AGK: variants seen among roughly 807,000 people sequenced by gnomAD.
AGK encodes the protein acylglycerol kinase.
A neutral mutation model predicts 66.4 loss-of-function variants in AGK; 52 were observed. That is an observed-to-expected ratio of 0.78 (90% CI 0.63 to 0.99). AGK has a LOEUF of 0.99. Ranked by LOEUF, AGK falls within the 50% of genes least tolerant of loss-of-function variation. The pLI, the probability that AGK is intolerant of heterozygous loss-of-function variation, is 0.00. For missense variants in AGK, 451 were observed against 506.6 expected (o/e 0.89, Z 1.05); for synonymous variants, 182 against 181.1 (o/e 1.00, Z -0.04).
intron 8 of AGK, among the ~76,000 whole-genome samples, chr7:141,620,822 T>C (rs1284314400): frequency 2.6e-5 from 4 of 152,228 alleles, no homozygotes; most frequent in Admixed American, 2.0e-4. Flanking sequence ...TTTTGAAATA[T>C]GCCACAGTAT....
intron 8 of AGK, 109 bp from the exon 9 acceptor site, chr7:141,621,613 AGAGAGAGAAT>A (rs1014813140): frequency 1.3e-5 from 9 of 706,674 alleles, no homozygotes; most frequent in African/African-American, 1.1e-4. Context: ...AGAGAGGGAG[AGAGAGAGAAT>A]GAGAGAGAAT....
intron 13 of AGK, among the ~76,000 whole-genome samples, chr7:141,644,177 G>A (rs889209952): frequency 1.1e-4 from 17 of 151,814 alleles, no homozygotes; most frequent in Admixed American, 3.3e-4. Context: ...TTTATACCAA[G>A]TCTTTAATAA....
chr7:141,642,299 A>G (rs1471336012), intron 13 of AGK, among the ~76,000 whole-genome samples: 1 of 152,214 alleles, frequency 6.6e-6, no homozygotes. Flanking sequence ...GATCCTCAGG[A>G]GAAAAATACC....
At chr7:141,556,194 C>T (rs148604993) in intron 2 of AGK, among the ~76,000 whole-genome samples, 1 of 152,116 alleles carries the variant, frequency 6.6e-6, no homozygotes, top group Non-Finnish European at 1.5e-5. Flanking sequence ...TGATTGGCCT[C>T]TCTAAAGTAG....
At chr7:141,603,188 A>G (rs1464948891) in intron 5 of AGK, among the ~76,000 whole-genome samples, 2 of 151,906 alleles carry the variant, frequency 1.3e-5, no homozygotes, top group East Asian at 3.9e-4. Flanking sequence ...GTCCTTACTG[A>G]TTTTTTCTTC....
At chr7:141,560,839 C>T (rs931799371) in intron 2 of AGK, among the ~76,000 whole-genome samples, 4 of 150,588 alleles carry the variant, frequency 2.7e-5, no homozygotes, top group African/African-American at 9.8e-5. Context: ...CTCTGTCGCC[C>T]AGGCTGGAGT....
chr7:141,637,041 A>G, intron 11 of AGK, 24 bp downstream of exon 11: 1 of 1,600,538 alleles, frequency 6.2e-7, no homozygotes, highest in Non-Finnish European at 8.5e-7. Context: ...ACAGTGTAGA[A>G]ATTTGCTGTG....
chr7:141,623,905 A>G (rs1365392973), intron 9 of AGK, among the ~76,000 whole-genome samples: 2 of 152,110 alleles, frequency 1.3e-5, no homozygotes, highest in African/African-American at 2.4e-5. Context: ...GTTCAAGCCA[A>G]TGCTCATCTA....
intron 3 of AGK, 84 bp from the exon 4 acceptor site, chr7:141,596,478 C>T: frequency 7.9e-7 from 1 of 1,267,050 alleles, no homozygotes; most frequent in South Asian, 1.2e-5. Context: ...GCTGCAAGTA[C>T]ATTTTTTTTG....
At position 141,611,001 on chromosome 7, in the gene AGK, C is replaced by T. The variant is rs117068630; in HGVS notation, c.298-194C>T. On this transcript the variant is annotated intron_variant, in intron 5 of 15. Coordinates refer to ENST00000649286, the MANE Select transcript of AGK (RefSeq NM_018238.4). ...TGACTAGATGGTTTCTGAGGTCCCT[C>T]TGGCTCTAAAAGTGTAAAACTGTAA... is the stretch of plus-strand genomic sequence containing the variant. 8.5e-3 allele frequency among the ~76,000 whole-genome samples: 1,295 copies of T among 152,340 alleles called. 6 individuals carry two copies. The highest frequency in any genetic ancestry group is 0.017 in the South Asian group (81 of 4,830).
Position 141,555,520 on chromosome 7 carries a change from G to T in AGK, c.54G>T (p.Gly18=). ...LRNHWKKTTA[G]LCLLTWGGHW... Reference sequence around the variant, plus strand: ...ATCACTGGAAGAAAACTACAGCTGGGCTCTGCCTGCTGACCTGGGGAGGCC... The same window carrying T: ...ATCACTGGAAGAAAACTACAGCTGGTCTCTGCCTGCTGACCTGGGGAGGCC... Residue 18 remains glycine, a synonymous_variant, in exon 2 of 16, where the codon GGG becomes GGT. Transcript: ENST00000649286. This position sits in a 1 kb window ranked among gnomAD's most constrained non-coding sequence, Gnocchi z 4.2. The T allele has an allele frequency of 6.2e-7, 1 of 1,614,116 alleles. No individual in the cohort carries two copies. The highest frequency in any genetic ancestry group is 8.5e-7 in the Non-Finnish European group (1 of 1,180,002).
At chr7:141,640,972 T>C (rs1419309771) in intron 11 of AGK, among the ~76,000 whole-genome samples, 1 of 152,140 alleles carries the variant, frequency 6.6e-6, no homozygotes, top group East Asian at 1.9e-4. Context: ...TCATTCACCC[T>C]CTTTTTGGAC....
intron 2 of AGK, among the ~76,000 whole-genome samples, chr7:141,572,383 A>G (rs1175598508): frequency 6.6e-6 from 1 of 152,246 alleles, no homozygotes; most frequent in Admixed American, 6.5e-5. Flanking sequence ...TGAATAATAC[A>G]TGAGCATGGG....
chr7:141,553,861 T>C (rs1205417597), intron 1 of AGK, among the ~76,000 whole-genome samples: 1 of 152,210 alleles, frequency 6.6e-6, no homozygotes, highest in Non-Finnish European at 1.5e-5. Flanking sequence ...AACTGGACTT[T>C]TAAGTGGAAA....
At position 141,640,003 on chromosome 7, in the gene AGK, A is replaced by G. The variant is rs117576477; in HGVS notation, c.727-1245A>G. The stretch of plus-strand genomic sequence containing the variant: ...CTATCAGTTTGGCACTGAGGGGAAA[A>G]TGAGTGGTCAGGGAGTAGAATCCTC... On this transcript the variant is annotated intron_variant, in intron 11 of 15. Transcript: ENST00000649286. Among the ~76,000 whole-genome samples the G allele has an allele frequency of 3.1e-3, 474 of 152,310 alleles. 6 individuals carry two copies. The highest frequency in any genetic ancestry group is 4.3e-3 in the Non-Finnish European group (290 of 68,024).
Position 141,577,018 on chromosome 7 carries a change from C to T in AGK, c.102-16128C>T, listed in dbSNP as rs370267911. On this transcript the variant is annotated intron_variant, in intron 2 of 15. Coordinates refer to ENST00000649286, the MANE Select transcript of AGK (RefSeq NM_018238.4). Reference sequence around the variant, plus strand: ...TCATGCCACTGCACTCCAGCCTGGGCGACAGGGTGAGACTCCGTCTCAAAA... The same window carrying T: ...TCATGCCACTGCACTCCAGCCTGGGTGACAGGGTGAGACTCCGTCTCAAAA... 4.0e-5 allele frequency among the ~76,000 whole-genome samples: 6 copies of T among 151,842 alleles called. No homozygotes were observed. The South Asian group carries it at 6.2e-4, about 16-fold the overall frequency.
At chr7:141,622,501 C>T (rs761442549) in intron 9 of AGK, among the ~76,000 whole-genome samples, 2 of 151,828 alleles carry the variant, frequency 1.3e-5, no homozygotes, top group Non-Finnish European at 3.0e-5. Flanking sequence ...CAACCTTTTT[C>T]ATCATTACTA....
At chr7:141,593,309 A>G (rs1198471460) in intron 3 of AGK, 124 bp downstream of exon 3, 1 of 849,778 alleles carries the variant, frequency 1.2e-6, no homozygotes, top group Non-Finnish European at 2.0e-6. Flanking sequence ...TTTTAGCACT[A>G]TCAGGATGAA....
In AGK at chr7:141,654,443, G is replaced by GACAAAGATCACAGTGCTCTATC. The variant is rs1349216069; in HGVS notation, c.*1521_*1542dup. On this transcript the variant is annotated 3_prime_UTR_variant, in exon 16 of 16. Coordinates refer to ENST00000649286, the MANE Select transcript of AGK (RefSeq NM_018238.4). Reference sequence around the variant, plus strand: ...GTTCTTTGGATTCCTTTGGCATTTTGACAAAGATCACAGTGCTCTATCATC... The same window carrying GACAAAGATCACAGTGCTCTATC: ...GTTCTTTGGATTCCTTTGGCATTTTGACAAAGATCACAGTGCTCTATCACAAAGATCACAGTGCTCTATCATC... 6.6e-6 allele frequency: 1 copy of GACAAAGATCACAGTGCTCTATC among 152,130 alleles called. No homozygotes were observed. Among genetic ancestry groups the GACAAAGATCACAGTGCTCTATC allele is most frequent in the Non-Finnish European group, 1.5e-5 (1 of 68,014 alleles). 9.4% of individuals were successfully genotyped at this position (152,130 alleles called of 1,614,324 possible). A position where few individuals can be genotyped will look rare whatever the true frequency, so the allele number is the denominator to read the frequency against.
Sources: gnomAD v4.1 joint callset for allele counts (sites outside exome capture counted in the v4.1 genomes callset) on GRCh38, gnomAD v4.1.1 for gene constraint, Gnocchi (gnomAD v3.1) non-coding constraint, MANE v1.5 for transcripts, NCBI Gene and HGNC (gene_info 2026-07-23, HGNC 2026-07-21) for gene names.